Variants in DSCAM observed in about 807,000 individuals in gnomAD.
DSCAM encodes cell adhesion molecule DSCAM.
Under a neutral mutation model 217.7 loss-of-function variants are expected in DSCAM, and 47 were observed. The ratio of observed to expected loss-of-function variants is 0.22; its 90% CI spans 0.17 to 0.28. The LOEUF is 0.28. Among genes scored for constraint, DSCAM ranks in the 10% least tolerant of loss-of-function variants. DSCAM has a pLI of 1.00. For missense variants in DSCAM, 2,080 were observed against 2,618.3 expected (o/e 0.79, Z 4.49); for synonymous variants, 1,056 against 1,015.3 (o/e 1.04, Z -0.76).
intron 18 of DSCAM, among the ~76,000 whole-genome samples, chr21:40,138,493 G>C (rs1210264747): frequency 2.7e-5 from 4 of 148,858 alleles, no homozygotes; most frequent in Non-Finnish European, 3.0e-5. Flanking sequence ...GGTGTGTGTG[G>C]TGTGTGTGTG....
rs1327628014 is a variant in DSCAM at position 40,781,996 on chromosome 21, A to AAG, written c.43+64622_43+64623insCT. ...ACCCCATCTCTACTAAAAATACAAAAAAAAAAAAAAAAAAGAAAAAAAAAA... is the reference window on the plus strand; with the variant it reads ...ACCCCATCTCTACTAAAAATACAAAAAGAAAAAAAAAAAAAAGAAAAAAAAAA... On this transcript the variant is annotated intron_variant, in intron 1 of 32. Coordinates refer to ENST00000400454, the MANE Select transcript of DSCAM (RefSeq NM_001389.5). 3.4e-3 allele frequency among the ~76,000 whole-genome samples: 510 copies of AAG among 148,668 alleles called. 6 individuals are homozygous for AAG. The highest frequency in any genetic ancestry group is 0.012 in the African/African-American group (483 of 40,586).
At chr21:40,690,710 G>A (rs946696324) in intron 3 of DSCAM, among the ~76,000 whole-genome samples, 1 of 152,022 alleles carries the variant, frequency 6.6e-6, no homozygotes, top group African/African-American at 2.4e-5. Context: ...CACATTTGAA[G>A]GAAAATAAAG....
At chr21:40,207,749 C>A (rs1013083444) in intron 11 of DSCAM, among the ~76,000 whole-genome samples, 14 of 152,160 alleles carry the variant, frequency 9.2e-5, no homozygotes, top group African/African-American at 3.1e-4. Context: ...AATAATAGGA[C>A]TTTATTATCT....
chr21:40,687,136 G>C (rs956142112), intron 3 of DSCAM, among the ~76,000 whole-genome samples: 1 of 152,072 alleles, frequency 6.6e-6, no homozygotes, highest in African/African-American at 2.4e-5. Flanking sequence ...TACATACAAA[G>C]ACAGATAGCT....
chr21:40,295,946 T>C, intron 10 of DSCAM, 109 bp downstream of exon 10: 1 of 1,322,542 alleles, frequency 7.6e-7, no homozygotes, highest in Non-Finnish European at 1.0e-6. Context: ...GAAACAGAGA[T>C]ACGTATCTAC....
At chr21:40,844,430 C>T (rs2092128287) in intron 1 of DSCAM, among the ~76,000 whole-genome samples, 1 of 152,018 alleles carries the variant, frequency 6.6e-6, no homozygotes, top group Admixed American at 6.5e-5. Context: ...TAGCCTTCTG[C>T]TAGATTGGAT....
At chr21:40,511,791 A>T (rs2076259304) in intron 3 of DSCAM, among the ~76,000 whole-genome samples, 1 of 151,828 alleles carries the variant, frequency 6.6e-6, no homozygotes, top group Admixed American at 6.6e-5. Context: ...GGAGATCGAG[A>T]CCATTCTGGC....
intron 3 of DSCAM, among the ~76,000 whole-genome samples, chr21:40,568,164 T>C (rs1033619553): frequency 1.3e-5 from 2 of 152,214 alleles, no homozygotes; most frequent in Non-Finnish European, 2.9e-5. Context: ...CTTCTTCCTG[T>C]ATCAAATTCT....
At chr21:40,645,877 C>G (rs770321533) in intron 3 of DSCAM, among the ~76,000 whole-genome samples, 35 of 152,130 alleles carry the variant, frequency 2.3e-4, no homozygotes, top group Non-Finnish European at 4.0e-4. Context: ...ATTATTTAAA[C>G]TGTCTTGGGA....
chr21:40,059,091 A>G (rs1404818391), intron 28 of DSCAM, among the ~76,000 whole-genome samples: 2 of 152,208 alleles, frequency 1.3e-5, no homozygotes, highest in African/African-American at 4.8e-5. Flanking sequence ...TCATCCTCCC[A>G]AATATGACAC....
intron 16 of DSCAM, among the ~76,000 whole-genome samples, chr21:40,159,473 T>C (rs2090516285): frequency 1.3e-5 from 2 of 152,228 alleles, no homozygotes; most frequent in Admixed American, 1.3e-4. Context: ...TTTTCCAATT[T>C]GTTCTCTGTG....
At chr21:40,625,158 G>A (rs1171597769) in intron 3 of DSCAM, among the ~76,000 whole-genome samples, 4 of 151,946 alleles carry the variant, frequency 2.6e-5, no homozygotes, top group Admixed American at 2.0e-4. Context: ...TGAGTAACCT[G>A]AAAAAATGAG....
At chr21:40,825,262 TTTCTTTCCTTCCTTCCTTCC>T (rs988223766) in intron 1 of DSCAM, among the ~76,000 whole-genome samples, 10 of 137,382 alleles carry the variant, frequency 7.3e-5, no homozygotes, top group African/African-American at 2.7e-4. Context: ...GAACATTTTC[TTTCTTTCCTTCCTTCCTTCC>T]TTCCTTCCTT....
rs75564321 is a variant in DSCAM, at chr21:40,093,018, T to C, written c.3850+703A>G. On this transcript the variant is annotated intron_variant, in intron 21 of 32. Coordinates refer to ENST00000400454, the MANE Select transcript of DSCAM (RefSeq NM_001389.5). Reference sequence around the variant, plus strand: ...TATCAGAGAACATATTAGTAATAAGTTGCCACTGTTCTATAACTCAAAATT... The same window carrying C: ...TATCAGAGAACATATTAGTAATAAGCTGCCACTGTTCTATAACTCAAAATT... Among the ~76,000 whole-genome samples, 7 of 152,164 alleles carry C rather than the reference T, an allele frequency of 4.6e-5. No individual in the cohort carries two copies. The East Asian group carries it at 1.3e-3, about 29-fold the overall frequency.
At chr21:40,022,345 AG>A (rs1753737855) in intron 32 of DSCAM, among the ~76,000 whole-genome samples, 1 of 152,232 alleles carries the variant, frequency 6.6e-6, no homozygotes. Flanking sequence ...CCTGCCACGA[AG>A]AATGATCTGG....
chr21:40,170,677 C>T (rs561196952), intron 15 of DSCAM, among the ~76,000 whole-genome samples: 5 of 152,314 alleles, frequency 3.3e-5, no homozygotes, highest in Admixed American at 2.0e-4. Context: ...CCCTCACACA[C>T]AGATAATTCT....
intron 1 of DSCAM, among the ~76,000 whole-genome samples, chr21:40,822,924 C>A (rs919129800): frequency 6.6e-6 from 1 of 152,064 alleles, no homozygotes; most frequent in Non-Finnish European, 1.5e-5. Context: ...CCGAGGCGGG[C>A]GGATCACTTG....
intron 1 of DSCAM, among the ~76,000 whole-genome samples, chr21:40,734,760 T>A (rs1268255913): frequency 1.3e-5 from 2 of 152,242 alleles, no homozygotes; most frequent in African/African-American, 4.8e-5. Context: ...ATACCCTTTT[T>A]TCCTTCTAAT....
intron 3 of DSCAM, among the ~76,000 whole-genome samples, chr21:40,388,068 G>A (rs1473190677): frequency 6.6e-6 from 1 of 152,120 alleles, no homozygotes; most frequent in Non-Finnish European, 1.5e-5. Flanking sequence ...ACAGTTCAAG[G>A]AGAGGGTAGA....
Sources: gnomAD v4.1 joint callset for allele counts (sites outside exome capture counted in the v4.1 genomes callset) on GRCh38, gnomAD v4.1.1 for gene constraint, MANE v1.5 for transcripts, NCBI Gene and HGNC (gene_info 2026-07-23, HGNC 2026-07-21) for gene names.